The following SLC36A1 variants were observed in gnomAD, a reference collection of about 807,000 sequenced individuals.
The protein encoded by SLC36A1 is proton-coupled amino acid transporter 1.
Under a neutral mutation model 47.5 loss-of-function variants are expected in SLC36A1, and 30 were observed. The observed-to-expected ratio is 0.63, with a 90% CI of 0.47 to 0.86. The LOEUF (loss-of-function observed/expected upper bound fraction) is 0.86, where lower values mean the gene tolerates loss of function less well. SLC36A1 is among the 40% of genes least tolerant of loss of function. The pLI is 0.00. For missense variants in SLC36A1, 517 were observed against 606.0 expected, an observed-to-expected ratio of 0.85 and a Z score of 1.54; for synonymous variants, 255 against 249.7, an observed-to-expected ratio of 1.02 and a Z score of -0.20.
chr5:151,537,335 A>G, the SLC36A1 span, among the ~76,000 whole-genome samples: 1 of 526 alleles, frequency 1.9e-3, no homozygotes, highest in Non-Finnish European at 3.2e-3. Flanking sequence ...AAAAGAAAGA[A>G]AAGAAAAGAA....
upstream of SLC36A1, among the ~76,000 whole-genome samples, chr5:151,447,058 T>C (rs1752968062): frequency 6.6e-6 from 1 of 152,218 alleles, no homozygotes; most frequent in African/African-American, 2.4e-5. Flanking sequence ...GCCTATTTGT[T>C]ACATAATTGT....
chr5:151,515,637 A>G, the SLC36A1 span, among the ~76,000 whole-genome samples: 1 of 151,978 alleles, frequency 6.6e-6, no homozygotes, highest in East Asian at 1.9e-4. Flanking sequence ...CTTCTCTCCC[A>G]CCCTTCATTC....
chr5:151,542,588 G>A, the SLC36A1 span: 1 of 1,614,102 alleles, frequency 6.2e-7, no homozygotes, highest in Non-Finnish European at 8.5e-7. Flanking sequence ...ATGGCAAAGA[G>A]CTCATGGACA....
At chr5:151,375,038 G>A in the SLC36A1 span, among the ~76,000 whole-genome samples, 3 of 149,800 alleles carry the variant, frequency 2.0e-5, no homozygotes, top group African/African-American at 4.9e-5. Context: ...TTATTATTTT[G>A]CTGTGCAGCA....
intron 8 of SLC36A1, among the ~76,000 whole-genome samples, chr5:151,474,178 A>AAAAAAAAAAAAAGAG (rs776318482): frequency 0.016 from 1,915 of 118,708 alleles, 156 homozygotes; most frequent in African/African-American, 0.048. Context: ...AAAAAAAAAA[A>AAAAAAAAAAAAAGAG]AGAAATTATC....
chr5:151,420,124 C>G, the SLC36A1 span: 1 of 152,152 alleles, frequency 6.6e-6, no homozygotes, highest in African/African-American at 2.4e-5. Flanking sequence ...TGCCAATACC[C>G]ACTGGTGCCC....
the SLC36A1 span, among the ~76,000 whole-genome samples, chr5:151,363,221 G>A: frequency 5.9e-5 from 9 of 152,306 alleles, no homozygotes; most frequent in South Asian, 2.1e-4. Flanking sequence ...GGATAGCCAC[G>A]CAGTGTGGGA....
At chr5:151,470,756 G>A (rs752688734) in intron 7 of SLC36A1, 1 of 152,232 alleles carries the variant, frequency 6.6e-6, no homozygotes, top group Non-Finnish European at 1.5e-5. Flanking sequence ...ACTGTTCAAT[G>A]TTTCTGAATT....
chr5:151,554,399 C>G, the SLC36A1 span: 1 of 1,614,198 alleles, frequency 6.2e-7, no homozygotes, highest in Non-Finnish European at 8.5e-7. Context: ...AAAAGTGCTG[C>G]TGGATGAAAC....
the SLC36A1 span, among the ~76,000 whole-genome samples, chr5:151,548,728 G>A: frequency 9.7e-3 from 1,473 of 152,200 alleles, 20 homozygotes; most frequent in African/African-American, 0.034. Context: ...TGATCCGCCC[G>A]CCTCGGCCTC....
chr5:151,353,101 G>T, the SLC36A1 span, among the ~76,000 whole-genome samples: 3 of 152,142 alleles, frequency 2.0e-5, no homozygotes, highest in Non-Finnish European at 4.4e-5. Context: ...AGGGCTATGG[G>T]AATTATGAGC....
chr5:151,460,109 C>A (rs555092073), intron 2 of SLC36A1, among the ~76,000 whole-genome samples: 4 of 152,136 alleles, frequency 2.6e-5, no homozygotes, highest in Non-Finnish European at 2.9e-5. Flanking sequence ...TGTGGATCAC[C>A]CTGCCCCTCT....
At chr5:151,439,738 C>T (rs1448830863) in intron 1 of SLC36A1, among the ~76,000 whole-genome samples, 1 of 151,346 alleles carries the variant, frequency 6.6e-6, no homozygotes, top group African/African-American at 2.4e-5. Flanking sequence ...TTGTATTGAT[C>T]TGGCCCCAGC....
At chr5:151,537,985 A>G in the SLC36A1 span, 1 of 1,590,534 alleles carries the variant, frequency 6.3e-7, no homozygotes, top group South Asian at 1.1e-5. Flanking sequence ...GACTGTGGGG[A>G]CTGCATTCAG....
chr5:151,389,044 G>A, the SLC36A1 span, among the ~76,000 whole-genome samples: 494 of 152,242 alleles, frequency 3.2e-3, 8 homozygotes, highest in African/African-American at 0.011. Context: ...TACTTAAAAA[G>A]CCTTTAATCA....
At chr5:151,540,572 A>G in the SLC36A1 span, 1 of 1,612,042 alleles carries the variant, frequency 6.2e-7, no homozygotes, top group Non-Finnish European at 8.5e-7. Flanking sequence ...CTCACCTGTG[A>G]ACACTGTGGG....
intron 10 of SLC36A1, among the ~76,000 whole-genome samples, chr5:151,483,807 G>A (rs2127541609): frequency 6.6e-6 from 1 of 152,232 alleles, no homozygotes; most frequent in East Asian, 1.9e-4. Context: ...TTGTGTTAGT[G>A]GGAGGCTCGC....
the SLC36A1 span, among the ~76,000 whole-genome samples, chr5:151,428,651 T>A: frequency 6.6e-6 from 1 of 151,956 alleles, no homozygotes; most frequent in African/African-American, 2.4e-5. Flanking sequence ...TTTTTTTTTT[T>A]AGACCGAGTC....
chr5:151,426,400 G>A, the SLC36A1 span, among the ~76,000 whole-genome samples: 2 of 151,760 alleles, frequency 1.3e-5, no homozygotes, highest in South Asian at 2.1e-4. Context: ...GTGGGGAGAG[G>A]GTCAACAGGA....
Sources: allele counts gnomAD v4.1 joint callset (sites outside exome capture counted in the v4.1 genomes callset), GRCh38; gene constraint gnomAD v4.1.1; transcripts MANE v1.5; gene names NCBI Gene and HGNC (gene_info 2026-07-23, HGNC 2026-07-21).